The following PSPC1 variants were observed in gnomAD, a reference collection of about 807,000 sequenced individuals.
PSPC1 encodes paraspeckle component 1.
In PSPC1, 14 loss-of-function variants were observed where a neutral mutation model predicts 51.6. The observed-to-expected ratio is 0.27, with a 90% confidence interval of 0.18 to 0.42. The LOEUF (loss-of-function observed/expected upper bound fraction) is 0.42, where lower values mean the gene tolerates loss of function less well. Ranked by LOEUF, PSPC1 falls within the 10% of genes least tolerant of loss-of-function variation. The pLI is 1.00. For synonymous variants in PSPC1, 193 were observed against 231.9 expected, an observed-to-expected ratio of 0.83 and a Z score of 1.53; for missense variants, 406 against 701.1, an observed-to-expected ratio of 0.58 and a Z score of 4.75.
intron 1 of PSPC1, among the ~76,000 whole-genome samples, chr13:19,780,057 G>T (rs1308254894): frequency 1.0e-4 from 14 of 135,626 alleles, no homozygotes; most frequent in African/African-American, 3.8e-4. Context: ...CGGGAGGTGA[G>T]GGGCGCCTCT....
At chr13:19,692,587 C>A (rs1878698255) in intron 6 of PSPC1, among the ~76,000 whole-genome samples, 1 of 152,108 alleles carries the variant, frequency 6.6e-6, no homozygotes, top group East Asian at 1.9e-4. Flanking sequence ...CCCAACCAAC[C>A]ACCTAAAAGC....
intron 4 of PSPC1, among the ~76,000 whole-genome samples, chr13:19,751,027 C>T (rs542988176): frequency 1.1e-4 from 17 of 152,028 alleles, no homozygotes; most frequent in African/African-American, 4.1e-4. Context: ...CCTTGGCCCC[C>T]CAAAGTGCTG....
intron 6 of PSPC1, among the ~76,000 whole-genome samples, chr13:19,726,446 C>A (rs1430536866): frequency 6.6e-6 from 1 of 152,132 alleles, no homozygotes; most frequent in Non-Finnish European, 1.5e-5. Flanking sequence ...TTAAGTTCCA[C>A]AAATATATTG....
downstream of PSPC1, chr13:19,672,950 G>C (rs1876219236): frequency 5.2e-6 from 2 of 385,484 alleles, no homozygotes; most frequent in South Asian, 2.0e-5. Flanking sequence ...CAGATACTCA[G>C]GAGGCTGAGG....
At chr13:19,781,240 T>C (rs34550791) in intron 1 of PSPC1, among the ~76,000 whole-genome samples, 37 of 151,608 alleles carry the variant, frequency 2.4e-4, no homozygotes, top group Admixed American at 1.8e-3. Context: ...TGCAGTGACG[T>C]GATCTCAGCT....
At chr13:19,732,471 T>A (rs1304870011) in intron 5 of PSPC1, among the ~76,000 whole-genome samples, 1 of 152,142 alleles carries the variant, frequency 6.6e-6, no homozygotes, top group Non-Finnish European at 1.5e-5. Context: ...ATATGCTCAG[T>A]GGGATCTGGG....
intron 6 of PSPC1, among the ~76,000 whole-genome samples, chr13:19,683,517 A>G (rs1340861154): frequency 6.6e-6 from 1 of 152,232 alleles, no homozygotes; most frequent in African/African-American, 2.4e-5. Context: ...GGATGGACTG[A>G]CTACAAAGGA....
intron 6 of PSPC1, among the ~76,000 whole-genome samples, chr13:19,679,358 T>C (rs1877019992): frequency 6.6e-6 from 1 of 152,078 alleles, no homozygotes. Context: ...TAGCCACACG[T>C]GGTGGTACAT....
rs185961721 is a variant in PSPC1, at chr13:19,756,628, T to C, written c.770+2695A>G. ...AATTCTCCCGCCTCAGCCTCCTGAG[T>C]AGCTAGAATTACAGATGCGTGCCAC... is the stretch of plus-strand genomic sequence containing the variant. On this transcript the variant is annotated intron_variant, in intron 3 of 8. Transcript: ENST00000338910. 5.5e-3 allele frequency among the ~76,000 whole-genome samples: 830 copies of C among 151,874 alleles called. 4 individuals carry two copies. Among genetic ancestry groups the C allele is most frequent in the Non-Finnish European group, 8.0e-3 (543 of 67,974 alleles).
At chr13:19,780,076 G>A (rs1889759930) in intron 1 of PSPC1, among the ~76,000 whole-genome samples, 4 of 120,078 alleles carry the variant, frequency 3.3e-5, no homozygotes, top group African/African-American at 8.9e-5. Context: ...CTGCCCGGCC[G>A]CCCCTACTGG....
chr13:19,687,672 A>ATATTAAGTTAACCACCCG (rs869273456), intron 6 of PSPC1, among the ~76,000 whole-genome samples: 1 of 4,016 alleles, frequency 2.5e-4, no homozygotes, highest in African/African-American at 3.7e-4. Flanking sequence ...CATAAATCCC[A>ATATTAAGTTAACCACCCG]GTCGTGACCA....
At chr13:19,700,762 A>G (rs1202554825), downstream of PSPC1, among the ~76,000 whole-genome samples, 1 of 151,956 alleles carries the variant, frequency 6.6e-6, no homozygotes, top group African/African-American at 2.4e-5. Flanking sequence ...ATTGTTTCAT[A>G]TTACTTTTTA....
chr13:19,742,281 C>CAAAT (rs1223600888), intron 4 of PSPC1, among the ~76,000 whole-genome samples: 2 of 128,640 alleles, frequency 1.6e-5, no homozygotes, highest in Admixed American at 7.8e-5. Context: ...AAAAAACAAA[C>CAAAT]AAATAAATAA....
chr13:19,682,486 C>CAAAAA (rs138769031), intron 6 of PSPC1, among the ~76,000 whole-genome samples: 2 of 98,626 alleles, frequency 2.0e-5, no homozygotes, highest in African/African-American at 3.9e-5. Flanking sequence ...GGCTGAATGG[C>CAAAAA]AAAAAAAAAA....
At position 19,695,005 on chromosome 13, in the gene PSPC1, G is replaced by C. The variant is rs531566986; in HGVS notation, c.1159-17182C>G. On this transcript the variant is annotated intron_variant and NMD_transcript_variant, in intron 6 of 7. Transcript: ENST00000471658. ...GTCCACTGTGTTCACACTTCAAACTGCAAGAAACTACAGTCTACATAGCAA... is the reference window on the plus strand; with the variant it reads ...GTCCACTGTGTTCACACTTCAAACTCCAAGAAACTACAGTCTACATAGCAA... Among the ~76,000 whole-genome samples, 31 of 152,244 alleles carry C rather than the reference G, an allele frequency of 2.0e-4. 2 individuals are homozygous for C. In the South Asian group the frequency reaches 4.4e-3, roughly 21 times the overall value.
chr13:19,678,598 T>C (rs984331795), intron 6 of PSPC1: 2 of 152,122 alleles, frequency 1.3e-5, no homozygotes, highest in South Asian at 2.1e-4. Context: ...TGCCTGAGAA[T>C]TGGATGAAGC....
intron 7 of PSPC1, among the ~76,000 whole-genome samples, chr13:19,708,568 C>CTA (rs1432572501): frequency 6.6e-6 from 1 of 152,158 alleles, no homozygotes; most frequent in Non-Finnish European, 1.5e-5. Context: ...TGCAACTTGG[C>CTA]TATACGAGCA....
downstream of PSPC1, chr13:19,673,352 C>T: frequency 1.0e-5 from 3 of 292,050 alleles, no homozygotes; most frequent in South Asian, 3.3e-5. Flanking sequence ...TCAGAATTCA[C>T]GTTTGTGTAG....
intron 7 of PSPC1, among the ~76,000 whole-genome samples, chr13:19,707,475 T>C (rs1398328009): frequency 6.6e-6 from 1 of 152,348 alleles, no homozygotes; most frequent in East Asian, 1.9e-4. Context: ...TGTAACTTGA[T>C]GAGTTATGAC....
Sources: allele counts gnomAD v4.1 joint callset (sites outside exome capture counted in the v4.1 genomes callset), GRCh38; gene constraint gnomAD v4.1.1; transcripts MANE v1.5; gene names NCBI Gene and HGNC (gene_info 2026-07-23, HGNC 2026-07-21).